The following DOK6 variants were observed in gnomAD, a reference collection of about 807,000 sequenced individuals.
DOK6 encodes downstream of tyrosine kinase 6.
In DOK6, 22 loss-of-function variants were observed where a neutral mutation model predicts 44.0. That is an observed-to-expected ratio of 0.50 (90% confidence interval 0.36 to 0.71). The LOEUF is 0.71. Ranked by LOEUF, DOK6 falls within the 30% of genes least tolerant of loss-of-function variation. DOK6 has a pLI of 0.00. For synonymous variants in DOK6, 166 were observed against 145.5 expected (o/e 1.14, Z -1.01); for missense variants, 340 against 416.4 (o/e 0.82, Z 1.60).
At chr18:69,774,169 T>G (rs1168189535) in intron 7 of DOK6, among the ~76,000 whole-genome samples, 1 of 119,022 alleles carries the variant, frequency 8.4e-6, no homozygotes, top group African/African-American at 2.8e-5. Flanking sequence ...GTAATACTAC[T>G]CAGTCATAAA....
At chr18:69,728,786 A>G (rs1978326417) in intron 5 of DOK6, among the ~76,000 whole-genome samples, 1 of 152,236 alleles carries the variant, frequency 6.6e-6, no homozygotes, top group Non-Finnish European at 1.5e-5. Context: ...TCAGAGAGTG[A>G]AAGTCTACCT....
intron 3 of DOK6, among the ~76,000 whole-genome samples, chr18:69,651,092 T>A (rs117881957): frequency 0.011 from 1,693 of 152,288 alleles, 46 homozygotes; most frequent in Admixed American, 0.063. Flanking sequence ...TCTCTCCCAC[T>A]TCCCAGAGGA....
Position 69,573,223 on chromosome 18 carries a change from C to T in DOK6, c.174+8629C>T, listed in dbSNP as rs147878322. Among the ~76,000 whole-genome samples, 286 of 151,862 alleles carry T rather than the reference C, an allele frequency of 1.9e-3. 2 individuals carry two copies. Among genetic ancestry groups the T allele is most frequent in the Middle Eastern group, 3.4e-3 (1 of 294 alleles). The stretch of plus-strand genomic sequence containing the variant: ...AACTGTGATCAACATTTCAGAAACA[C>T]ACATGCTCTATGTGTGTGATTTTTC... On this transcript the variant is annotated intron_variant, in intron 2 of 7. Transcript: ENST00000382713.
At chr18:69,696,283 C>T (rs1409257080) in intron 4 of DOK6, among the ~76,000 whole-genome samples, 1 of 152,158 alleles carries the variant, frequency 6.6e-6, no homozygotes, top group Non-Finnish European at 1.5e-5. Flanking sequence ...TCCACTGTTA[C>T]AGGTCATGTT....
rs1245020829 is a variant in DOK6 at position 69,511,127 on chromosome 18, T to G, written c.67-53360T>G. On this transcript the variant is annotated intron_variant, in intron 1 of 7. Transcript: ENST00000382713. ...CTGTTGTTTTCTTTACATTAAAAAT[T>G]TCTTTCCTCATATCCTATGCACTCT... Among the ~76,000 whole-genome samples, 3 of 152,306 alleles carry G rather than the reference T, an allele frequency of 2.0e-5. No homozygotes were observed. In the East Asian group the frequency reaches 5.8e-4, roughly 29 times the overall value.
chr18:69,401,908 C>T (rs1009904204), intron 1 of DOK6, among the ~76,000 whole-genome samples: 1 of 152,184 alleles, frequency 6.6e-6, no homozygotes, highest in Non-Finnish European at 1.5e-5. Context: ...GCCCCGCGCC[C>T]GCCCGCGGTC....
At chr18:69,747,598 CT>C (rs1340891891) in intron 6 of DOK6, among the ~76,000 whole-genome samples, 1 of 150,320 alleles carries the variant, frequency 6.7e-6, no homozygotes, top group Non-Finnish European at 1.5e-5. Context: ...GCTCCGCCCC[CT>C]CCCCCCCACA....
intron 5 of DOK6, among the ~76,000 whole-genome samples, chr18:69,729,648 A>G (rs1030401855): frequency 6.6e-6 from 1 of 152,186 alleles, no homozygotes; most frequent in African/African-American, 2.4e-5. Context: ...TGAGACTCCA[A>G]CCAACCAAAG....
chr18:69,699,836 T>A (rs12604491), intron 5 of DOK6, among the ~76,000 whole-genome samples: 56,391 of 151,870 alleles, frequency 0.37, 11,162 homozygotes, highest in East Asian at 0.7. Flanking sequence ...AAAGGTAGTA[T>A]ATTAATCCAT....
chr18:69,525,457 T>G (rs971903123), intron 1 of DOK6, among the ~76,000 whole-genome samples: 3 of 152,032 alleles, frequency 2.0e-5, no homozygotes, highest in Non-Finnish European at 4.4e-5. Context: ...AGGTGGTAAT[T>G]GTTATAGAGA....
rs1982321782 is a variant in DOK6 at position 69,845,279 on chromosome 18, G to A, written c.*3896G>A. 6.6e-6 allele frequency: 1 copy of A among 152,152 alleles called. No individual in the cohort carries two copies. 9.4% of individuals were successfully genotyped at this position (152,152 alleles called of 1,614,324 possible). On this transcript the variant is annotated 3_prime_UTR_variant, in exon 8 of 8. Coordinates refer to ENST00000382713, the MANE Select transcript of DOK6 (RefSeq NM_152721.6). ...ACGTCTAATGGAACTGAGATTTAAG[G>A]CTTTAACAATTCGTGTTTTAAAATA... is the stretch of plus-strand genomic sequence containing the variant.
chr18:69,545,964 A>G (rs1241563367), intron 1 of DOK6, among the ~76,000 whole-genome samples: 1 of 151,516 alleles, frequency 6.6e-6, no homozygotes. Context: ...GGATAGATGC[A>G]TATATTCATG....
At chr18:69,467,309 A>G (rs1979956222) in intron 1 of DOK6, among the ~76,000 whole-genome samples, 1 of 152,174 alleles carries the variant, frequency 6.6e-6, no homozygotes, top group African/African-American at 2.4e-5. Flanking sequence ...CCATTTTTAA[A>G]TGATAAAGAT....
chr18:69,568,898 G>T (rs867753822), intron 2 of DOK6, among the ~76,000 whole-genome samples: 2 of 151,776 alleles, frequency 1.3e-5, no homozygotes, highest in Middle Eastern at 3.4e-3. Context: ...GGACCATCTA[G>T]TTGCTGTAAA....
chr18:69,464,547 AG>A (rs1979874492), intron 1 of DOK6, among the ~76,000 whole-genome samples: 1 of 152,256 alleles, frequency 6.6e-6, no homozygotes, highest in South Asian at 2.1e-4. Context: ...CACCATCTTC[AG>A]TCTAGGACAG....
In DOK6 at chr18:69,421,202, GT is replaced by G. The variant is rs1978483150; in HGVS notation, c.66+19896del. ...CTTTTCTTCCATCTCATTGATGTTG[GT>G]TTTGATAATGTGATTTTATGACTTA... On this transcript the variant is annotated intron_variant, in intron 1 of 7. Transcript: ENST00000382713. Among the ~76,000 whole-genome samples the G allele has an allele frequency of 3.3e-5, 5 of 152,256 alleles. No homozygotes were observed. In the South Asian group the frequency reaches 1.0e-3, roughly 32 times the overall value.
intron 3 of DOK6, among the ~76,000 whole-genome samples, chr18:69,603,497 C>A (rs185843271): frequency 4.5e-4 from 69 of 152,278 alleles, no homozygotes; most frequent in Non-Finnish European, 9.0e-4. Context: ...ATCTGCCGGG[C>A]GCTGTGGCTC....
intron 4 of DOK6, among the ~76,000 whole-genome samples, chr18:69,682,641 C>T (rs1221983821): frequency 6.6e-6 from 1 of 152,126 alleles, no homozygotes; most frequent in African/African-American, 2.4e-5. Context: ...TATTGCCAAG[C>T]CCAAAGTCCA....
At chr18:69,694,177 C>A (rs1292590089) in intron 4 of DOK6, among the ~76,000 whole-genome samples, 1 of 151,662 alleles carries the variant, frequency 6.6e-6, no homozygotes, top group Non-Finnish European at 1.5e-5. Context: ...TCTCGTTCCA[C>A]CTGGAGCCTT....
Sources: allele counts gnomAD v4.1 joint callset (sites outside exome capture counted in the v4.1 genomes callset), GRCh38; gene constraint gnomAD v4.1.1; transcripts MANE v1.5; gene names NCBI Gene and HGNC (gene_info 2026-07-23, HGNC 2026-07-21).